CEP295: variants seen among roughly 807,000 people sequenced by gnomAD.
CEP295 encodes the protein centrosomal protein of 295 kDa.
A neutral mutation model predicts 291.6 loss-of-function variants in CEP295; 190 were observed. That is an observed-to-expected ratio of 0.65 (90% CI 0.58 to 0.73). The LOEUF is 0.73. CEP295 is among the 30% of genes least tolerant of loss of function. The pLI, the probability that CEP295 is intolerant of heterozygous loss-of-function variation, is 0.00. For missense variants in CEP295, 2,863 were observed against 2,949.4 expected (o/e 0.97, Z 0.68); for synonymous variants, 993 against 1,038.8 (o/e 0.96, Z 0.85).
intron 18 of CEP295, among the ~76,000 whole-genome samples, chr11:93,708,977 A>G (rs1026438084): frequency 1.3e-5 from 2 of 152,088 alleles, no homozygotes. Flanking sequence ...TTTTTTGCCC[A>G]TTTTTTAATC....
Position 93,698,871 on chromosome 11 carries a change from A to G in CEP295, c.3959A>G (p.Glu1320Gly), listed in dbSNP as rs1250398989. 6.4e-7 allele frequency: 1 copy of G among 1,551,732 alleles called. No homozygotes were observed. Among genetic ancestry groups the G allele is most frequent in the Admixed American group, 2.0e-5 (1 of 51,000 alleles). ...TILEPLFTES[E>G]SKIFSSHLQI... ...CTGGAACCTCTTTTTACAGAGAGTG[A>G]AAGTAAAATTTTTTCAAGCCACCTT... Residue 1320 changes from glutamate (E) to glycine (G), a missense_variant, in exon 15 of 30, where the codon GAA becomes GGA. Coordinates refer to ENST00000325212, the MANE Select transcript of CEP295 (RefSeq NM_033395.2).
intron 2 of CEP295, 139 bp from the exon 3 acceptor site, chr11:93,667,468 C>T (rs1479096441): frequency 3.3e-6 from 2 of 614,872 alleles, no homozygotes; most frequent in Non-Finnish European, 5.6e-6. Context: ...TTTAAATAGT[C>T]TTTATCTAAT....
Position 93,687,710 on chromosome 11 carries a change from T to C in CEP295, c.1181T>C (p.Ile394Thr). 2 of 1,547,996 alleles carry C rather than the reference T, an allele frequency of 1.3e-6. No individual in the cohort carries two copies. Among genetic ancestry groups the C allele is most frequent in the Non-Finnish European group, 1.7e-6 (2 of 1,144,208 alleles). Reference protein sequence around the residue: ...KVLFKKLLNKIRSQKSLWTIK... With the variant: ...KVLFKKLLNKTRSQKSLWTIK... ...CTTTTTAAAAAATTATTAAATAAGA[T>C]CCGAAGCCAAAAATCTCTCTGGACA... The change falls in exon 10 of 30, where the codon ATC becomes ACC. Residue 394 changes from isoleucine (I) to threonine (T), a missense_variant. By Grantham distance (89) the Ile-to-Thr change is moderately conservative. Around this residue, in one of 3 missense-constraint regions of CEP295, gnomAD observed 554 missense variants for 576.0 expected, o/e 0.96. Transcript: ENST00000325212.
intron 14 of CEP295, 67 bp downstream of exon 14, chr11:93,696,484 T>G (rs1199514763): frequency 1.7e-6 from 2 of 1,155,232 alleles, no homozygotes; most frequent in Non-Finnish European, 2.5e-6. Flanking sequence ...ATTGTTTCAT[T>G]TATATGAGGA....
At chr11:93,703,039 C>T (rs889192943) in intron 17 of CEP295, 120 bp downstream of exon 17, 4 of 780,454 alleles carry the variant, frequency 5.1e-6, no homozygotes, top group Non-Finnish European at 7.8e-6. Flanking sequence ...TCTCAGCTCA[C>T]TGAAACCTCT....
intron 17 of CEP295, among the ~76,000 whole-genome samples, chr11:93,704,865 G>A (rs904323967): frequency 5.3e-5 from 8 of 152,110 alleles, no homozygotes; most frequent in African/African-American, 1.9e-4. Context: ...CTCACTAGAG[G>A]CAGTTACTTT....
At chr11:93,680,386 C>T (rs979112784) in intron 7 of CEP295, among the ~76,000 whole-genome samples, 2 of 152,224 alleles carry the variant, frequency 1.3e-5, no homozygotes, top group African/African-American at 4.8e-5. Context: ...GAGCAGATGG[C>T]TTGAGCCCAA....
intron 13 of CEP295, 72 bp downstream of exon 13, chr11:93,695,706 G>A (rs1414662399): frequency 1.4e-6 from 2 of 1,455,610 alleles, no homozygotes; most frequent in Non-Finnish European, 1.8e-6. Flanking sequence ...AGCACTTGTA[G>A]CGTTTAGAAA....
intron 5 of CEP295, among the ~76,000 whole-genome samples, chr11:93,671,858 C>G (rs1016953139): frequency 6.6e-6 from 1 of 152,130 alleles, no homozygotes; most frequent in African/African-American, 2.4e-5. Context: ...AATATAAATG[C>G]TGAAAATCCT....
At position 93,715,760 on chromosome 11, in the gene CEP295, T is replaced by C. The variant is rs78749771; in HGVS notation, c.5750-5552T>C. The stretch of plus-strand genomic sequence containing the variant: ...CAGCAGGTTCTCTTCTAGCCCAGGA[T>C]GTGTCCATAAATGTCATCCAACAGC... On this transcript the variant is annotated intron_variant, in intron 18 of 29. Transcript: ENST00000325212. 7.9e-3 allele frequency among the ~76,000 whole-genome samples: 1,208 copies of C among 152,212 alleles called. 21 individuals are homozygous for C. The highest frequency in any genetic ancestry group is 0.053 in the East Asian group (273 of 5,178).
chr11:93,714,845 C>G (rs1409007423), intron 18 of CEP295, among the ~76,000 whole-genome samples: 1 of 148,030 alleles, frequency 6.8e-6, no homozygotes, highest in Non-Finnish European at 1.5e-5. Context: ...CAGTCAGCCT[C>G]TCTCTCTCTC....
At chr11:93,707,994 A>G (rs997180882) in intron 18 of CEP295, among the ~76,000 whole-genome samples, 8 of 152,182 alleles carry the variant, frequency 5.3e-5, no homozygotes, top group Admixed American at 4.6e-4. Flanking sequence ...AGTGAGCTAT[A>G]ATTTTTGACA....
At chr11:93,722,277 G>T (rs655279) in intron 20 of CEP295, among the ~76,000 whole-genome samples, 1 of 152,018 alleles carries the variant, frequency 6.6e-6, no homozygotes, top group Non-Finnish European at 1.5e-5. Flanking sequence ...CCTGGGCAAC[G>T]TGGTAGAACC....
At chr11:93,688,635 A>C (rs1449917276) in intron 10 of CEP295, among the ~76,000 whole-genome samples, 2 of 152,146 alleles carry the variant, frequency 1.3e-5, no homozygotes, top group Non-Finnish European at 2.9e-5. Context: ...CCACATCTCC[A>C]TAATGACTAA....
chr11:93,682,392 CT>C (rs909566730), intron 7 of CEP295, among the ~76,000 whole-genome samples: 5 of 151,958 alleles, frequency 3.3e-5, no homozygotes, highest in Admixed American at 3.3e-4. Flanking sequence ...CCCTGCTACT[CT>C]TTGTATTTTT....
chr11:93,706,449 A>G (rs150128267), intron 17 of CEP295, among the ~76,000 whole-genome samples: 1 of 152,244 alleles, frequency 6.6e-6, no homozygotes, highest in African/African-American at 2.4e-5. Flanking sequence ...TTATTTTTGA[A>G]CTTTATATAT....
At chr11:93,676,687 CTTTACTG>C (rs796491415) in intron 6 of CEP295, among the ~76,000 whole-genome samples, 2 of 152,046 alleles carry the variant, frequency 1.3e-5, no homozygotes, top group African/African-American at 4.8e-5. Context: ...TTGCTAACTG[CTTTACTG>C]TTTACTGCAT....
rs59894789 is a variant in CEP295, at chr11:93,721,665, GGTGTGTGT to G, written c.5851-260_5851-253del. 4.4e-3 allele frequency: 2,630 copies of G among 604,326 alleles called. 1 individual carries two copies. Among genetic ancestry groups the G allele is most frequent in the East Asian group, 9.1e-3 (257 of 28,130 alleles). 37.4% of individuals were successfully genotyped at this position (604,326 alleles called of 1,614,324 possible). A position where few individuals can be genotyped will look rare whatever the true frequency, so the allele number is the denominator to read the frequency against. On this transcript the variant is annotated intron_variant, in intron 19 of 29. Transcript: ENST00000325212. Reference sequence around the variant, plus strand: ...TGTAAAACAATAAGGGCATATGTCTGGTGTGTGTGTGTGTGTGTGTGTGTGTGTGTGTG... The same window carrying G: ...TGTAAAACAATAAGGGCATATGTCTGGTGTGTGTGTGTGTGTGTGTGTGTG...
At chr11:93,710,509 G>C (rs987518926) in intron 18 of CEP295, among the ~76,000 whole-genome samples, 11 of 152,098 alleles carry the variant, frequency 7.2e-5, no homozygotes, top group African/African-American at 2.7e-4. Context: ...TTTTTAATGT[G>C]TTGTTGAATT....
Sources: gnomAD v4.1 joint callset for allele counts (sites outside exome capture counted in the v4.1 genomes callset) on GRCh38, gnomAD v4.1.1 for gene constraint, gnomAD v4.1.1 regional missense constraint, MANE v1.5 for transcripts, NCBI Gene and HGNC (gene_info 2026-07-23, HGNC 2026-07-21) for gene names.